The following XKRX variants were observed in gnomAD, a reference collection of about 807,000 sequenced individuals.
XKRX encodes XK related X-linked.
A neutral mutation model predicts 22.4 loss-of-function variants in XKRX; 11 were observed. The observed-to-expected ratio is 0.49, with a 90% confidence interval of 0.31 to 0.81. The LOEUF (loss-of-function observed/expected upper bound fraction) is 0.81, where lower values mean the gene tolerates loss of function less well. Ranked by LOEUF, XKRX falls within the 40% of genes least tolerant of loss-of-function variation. The probability of loss-of-function intolerance (pLI) is 0.05; values close to 1 mark genes in which losing one functional copy is unlikely to be tolerated. For missense variants in XKRX, 320 were observed against 336.5 expected (o/e 0.95, Z 0.38); for synonymous variants, 114 against 132.2 (o/e 0.86, Z 0.94).
chrX:100,950,693 A>G, the XKRX span, among the ~76,000 whole-genome samples: 1 of 112,493 alleles, frequency 8.9e-6, no homozygotes, highest in Non-Finnish European at 1.9e-5. Flanking sequence ...AAAGCCATAG[A>G]GTATATTTTC....
upstream of XKRX, among the ~76,000 whole-genome samples, chrX:100,931,336 A>G (rs1031796118): frequency 9.1e-6 from 1 of 109,933 alleles, no homozygotes; most frequent in Non-Finnish European, 1.9e-5. Context: ...GGCTCTATAT[A>G]ATCATCACAC....
At chrX:100,902,087 A>G in the XKRX span, among the ~76,000 whole-genome samples, 2 of 111,611 alleles carry the variant, frequency 1.8e-5, no homozygotes, top group Non-Finnish European at 3.8e-5. Context: ...GCATTCTCAG[A>G]CAAAAAAAAA....
At chrX:100,917,622 A>C (rs201223402) in intron 2 of XKRX, among the ~76,000 whole-genome samples, 3 of 81,573 alleles carry the variant, frequency 3.7e-5, no homozygotes, top group Non-Finnish European at 6.8e-5. Context: ...GAGAGAAAGA[A>C]AGAGAAAGAA....
chrX:100,891,800 T>G, the XKRX span, among the ~76,000 whole-genome samples: 1 of 78,421 alleles, frequency 1.3e-5, no homozygotes, highest in Non-Finnish European at 2.4e-5. Context: ...AGAAAGAAAG[T>G]AAGTTAAAAA....
intron 2 of XKRX, among the ~76,000 whole-genome samples, chrX:100,920,987 C>G (rs896939963): frequency 1.8e-5 from 2 of 108,765 alleles, no homozygotes; most frequent in East Asian, 5.8e-4. Flanking sequence ...GGTGAGATCT[C>G]GGCTCCCAGG....
At chrX:100,943,554 C>A in the XKRX span, among the ~76,000 whole-genome samples, 838 of 111,366 alleles carry the variant, frequency 7.5e-3, 2 homozygotes, top group Non-Finnish European at 0.013. Context: ...CAGGTGCCTG[C>A]CACCATGCCC....
At chrX:100,932,164 C>G (rs1184321436), upstream of XKRX, among the ~76,000 whole-genome samples, 3 of 111,430 alleles carry the variant, frequency 2.7e-5, no homozygotes, top group Admixed American at 1.9e-4. Context: ...ACTAAATCCT[C>G]TGGTCTCTTA....
chrX:100,952,728 A>G, the XKRX span, among the ~76,000 whole-genome samples: 1 of 112,260 alleles, frequency 8.9e-6, no homozygotes, highest in African/African-American at 3.2e-5. Flanking sequence ...ATCTCAAAAG[A>G]TTCCATTTAT....
At chrX:100,900,369 T>C in the XKRX span, among the ~76,000 whole-genome samples, 1 of 111,240 alleles carries the variant, frequency 9.0e-6, no homozygotes, top group Non-Finnish European at 1.9e-5. Context: ...CCCCAGTCCT[T>C]ATTTTTTCAC....
chrX:100,938,320 T>C, the XKRX span, among the ~76,000 whole-genome samples: 7 of 111,376 alleles, frequency 6.3e-5, no homozygotes, highest in South Asian at 2.3e-3. Context: ...AGCTACATTA[T>C]GGACTGGAGT....
At chrX:100,943,450 C>A in the XKRX span, among the ~76,000 whole-genome samples, 1 of 111,685 alleles carries the variant, frequency 9.0e-6, no homozygotes, top group Non-Finnish European at 1.9e-5. Context: ...GTCTCCCAGG[C>A]TGGAGTGCAA....
the XKRX span, among the ~76,000 whole-genome samples, chrX:100,889,018 C>T: frequency 9.1e-6 from 1 of 109,914 alleles, no homozygotes; most frequent in East Asian, 2.9e-4. Context: ...GTGGGCTGAT[C>T]AAGTGAGGTC....
the XKRX span, among the ~76,000 whole-genome samples, chrX:100,895,765 C>G: frequency 8.9e-6 from 1 of 112,016 alleles, no homozygotes; most frequent in African/African-American, 3.2e-5. Context: ...CTTGTGTATA[C>G]TGGGGTATAC....
chrX:100,933,285 C>T (rs2085526427), upstream of XKRX, among the ~76,000 whole-genome samples: 1 of 110,627 alleles, frequency 9.0e-6, no homozygotes, highest in Non-Finnish European at 1.9e-5. Context: ...AGTTCAAGAC[C>T]AGACTGGGCA....
At chrX:100,905,374 T>C in the XKRX span, among the ~76,000 whole-genome samples, 31 of 111,795 alleles carry the variant, frequency 2.8e-4, no homozygotes, top group Non-Finnish European at 5.1e-4. Context: ...TTTAGTTGAA[T>C]GAAGCATGTC....
At chrX:100,941,926 C>T in the XKRX span, among the ~76,000 whole-genome samples, 33 of 109,685 alleles carry the variant, frequency 3.0e-4, no homozygotes, top group East Asian at 5.2e-3. Context: ...TGGCTCACTG[C>T]GACCTCCGCC....
At chrX:100,924,262 A>C (rs1473614924) in intron 1 of XKRX, among the ~76,000 whole-genome samples, 2 of 111,192 alleles carry the variant, frequency 1.8e-5, no homozygotes, top group Non-Finnish European at 1.9e-5. Context: ...TCAAAGCAAC[A>C]AAAGTACTTA....
At chrX:100,924,436 T>C (rs950413458) in intron 1 of XKRX, among the ~76,000 whole-genome samples, 2 of 111,448 alleles carry the variant, frequency 1.8e-5, no homozygotes, top group Admixed American at 9.6e-5. Context: ...CTATCATCCT[T>C]GGAATAAGGG....
the XKRX span, among the ~76,000 whole-genome samples, chrX:100,942,138 G>A: frequency 2.7e-5 from 3 of 111,661 alleles, no homozygotes; most frequent in Non-Finnish European, 5.6e-5. Context: ...ATGAGCCACT[G>A]CGCCCGGCTT....
Sources: gnomAD v4.1 joint callset for allele counts (sites outside exome capture counted in the v4.1 genomes callset) on GRCh38, gnomAD v4.1.1 for gene constraint, MANE v1.5 for transcripts, NCBI Gene and HGNC (gene_info 2026-07-23, HGNC 2026-07-21) for gene names.